Variants in SORCS1 observed in about 807,000 individuals in gnomAD.
SORCS1 encodes VPS10 domain-containing receptor SorCS1.
In SORCS1, 60 loss-of-function variants were observed where a neutral mutation model predicts 146.1. The ratio of observed to expected loss-of-function variants is 0.41; its 90% CI spans 0.33 to 0.51. The LOEUF is 0.51. Among genes scored for constraint, SORCS1 ranks in the 20% least tolerant of loss-of-function variants. The pLI is 0.21. For missense variants in SORCS1, 1,352 were observed against 1,487.6 expected, an observed-to-expected ratio of 0.91 and a Z score of 1.50; for synonymous variants, 637 against 584.0, an observed-to-expected ratio of 1.09 and a Z score of -1.31.
intron 2 of SORCS1, among the ~76,000 whole-genome samples, chr10:106,942,790 C>T (rs1954114459): frequency 6.6e-6 from 1 of 152,188 alleles, no homozygotes. Context: ...TTCTCTACCA[C>T]TCAATTCTCT....
At chr10:106,633,335 C>T (rs1040947946) in intron 18 of SORCS1, among the ~76,000 whole-genome samples, 10 of 151,914 alleles carry the variant, frequency 6.6e-5, no homozygotes, top group Non-Finnish European at 1.5e-5. Flanking sequence ...AATTCCTTTC[C>T]TCTAGCTATT....
At chr10:106,954,408 C>T (rs778551936) in intron 2 of SORCS1, among the ~76,000 whole-genome samples, 3 of 152,064 alleles carry the variant, frequency 2.0e-5, no homozygotes, top group Non-Finnish European at 2.9e-5. Context: ...TAGGTGCGGG[C>T]TCCTTAATGC....
rs199640810 is a variant in SORCS1, at chr10:106,609,635, T to TACC, written c.3033+2273_3033+2275dup. Among the ~76,000 whole-genome samples the TACC allele has an allele frequency of 7.9e-4, 121 of 152,288 alleles. 1 individual carries two copies. The East Asian group carries it at 0.02, about 26-fold the overall frequency. On this transcript the variant is annotated intron_variant, in intron 22 of 25. Transcript: ENST00000263054. ...AGCCTTGAAAACTAGAAGGTATTAA[T>TACC]ACCACCACCACCACTGCTATAACCC... is the stretch of plus-strand genomic sequence containing the variant.
chr10:106,955,594 A>T (rs1399841386), intron 2 of SORCS1, among the ~76,000 whole-genome samples: 1 of 152,244 alleles, frequency 6.6e-6, no homozygotes, highest in Non-Finnish European at 1.5e-5. Context: ...GAAGCAATAC[A>T]GTGTGAATCC....
chr10:107,171,514 C>CTTTTTT, the SORCS1 span, among the ~76,000 whole-genome samples: 12 of 117,266 alleles, frequency 1.0e-4, no homozygotes, highest in Non-Finnish European at 1.5e-4. Context: ...GGGAATCCCC[C>CTTTTTT]TTTTTTTTTT....
intron 1 of SORCS1, among the ~76,000 whole-genome samples, chr10:106,971,223 G>A (rs987157899): frequency 2.0e-5 from 3 of 152,134 alleles, no homozygotes; most frequent in South Asian, 2.1e-4. Flanking sequence ...TGACCTCTAA[G>A]TAAGAATGGC....
At chr10:106,830,726 T>C (rs1270063021) in intron 2 of SORCS1, among the ~76,000 whole-genome samples, 3 of 151,874 alleles carry the variant, frequency 2.0e-5, no homozygotes, top group Non-Finnish European at 2.9e-5. Context: ...CGACACTCCT[T>C]CTCTATCAAA....
At chr10:106,730,992 G>C (rs1168662456) in intron 5 of SORCS1, among the ~76,000 whole-genome samples, 1 of 152,036 alleles carries the variant, frequency 6.6e-6, no homozygotes, top group Non-Finnish European at 1.5e-5. Flanking sequence ...CTCAATCAAG[G>C]CTAGAAAATG....
At chr10:107,139,987 C>T (rs1967672909) in intron 1 of SORCS1, among the ~76,000 whole-genome samples, 1 of 152,164 alleles carries the variant, frequency 6.6e-6, no homozygotes, top group Non-Finnish European at 1.5e-5. Context: ...GGAGAAAACT[C>T]AAACCCAGGT....
In SORCS1 at chr10:107,079,455, C is replaced by T. The variant is rs74154848; in HGVS notation, c.558+84514G>A. On this transcript the variant is annotated intron_variant, in intron 1 of 25. Transcript: ENST00000263054. ...AATGGAGGGTTGGTATTAGTGCTTCCCCTGATCTCAGTACTGATTCCTGAA... is the reference window on the plus strand; with the variant it reads ...AATGGAGGGTTGGTATTAGTGCTTCTCCTGATCTCAGTACTGATTCCTGAA... 8.0e-3 allele frequency among the ~76,000 whole-genome samples: 1,211 copies of T among 152,168 alleles called. 23 individuals are homozygous for T. The highest frequency in any genetic ancestry group is 0.028 in the African/African-American group (1,158 of 41,506).
intron 1 of SORCS1, among the ~76,000 whole-genome samples, chr10:107,094,963 A>G (rs1565034718): frequency 6.6e-6 from 1 of 152,228 alleles, no homozygotes; most frequent in Non-Finnish European, 1.5e-5. Context: ...CTTCTGGAAC[A>G]TGGGAGAAGG....
Position 106,577,319 on chromosome 10 carries a change from G to GAA in SORCS1, c.*99_*100dup, listed in dbSNP as rs3839910. Reference sequence around the variant, plus strand: ...ATAGGAAACAGAACAACAAAGGAAAGAAAAAAAACACAAAGTTAGTGGTCA... The same window carrying GAA: ...ATAGGAAACAGAACAACAAAGGAAAGAAAAAAAAAACACAAAGTTAGTGGTCA... On this transcript the variant is annotated 3_prime_UTR_variant, in exon 26 of 26. Coordinates refer to ENST00000263054, the MANE Select transcript of SORCS1 (RefSeq NM_052918.5). 2.1e-5 allele frequency: 33 copies of GAA among 1,605,922 alleles called. No homozygotes were observed. The East Asian group carries it at 4.0e-4, about 20-fold the overall frequency.
chr10:106,701,420 A>G (rs1831192380), intron 8 of SORCS1, among the ~76,000 whole-genome samples: 1 of 152,364 alleles, frequency 6.6e-6, no homozygotes, highest in Admixed American at 6.5e-5. Context: ...GGTGGCCCAC[A>G]TAAGGTCAAT....
intron 17 of SORCS1, among the ~76,000 whole-genome samples, chr10:106,666,853 G>A (rs1389160420): frequency 6.6e-6 from 1 of 152,010 alleles, no homozygotes; most frequent in Non-Finnish European, 1.5e-5. Context: ...CTACAGGCGT[G>A]AGCCACTGCT....
chr10:106,721,588 T>C (rs947504287), intron 6 of SORCS1, among the ~76,000 whole-genome samples: 1 of 152,236 alleles, frequency 6.6e-6, no homozygotes, highest in African/African-American at 2.4e-5. Flanking sequence ...GAAAAGTCTT[T>C]GATAATGTCC....
At chr10:106,887,242 AAAATGAAAAT>A (rs1485158841) in intron 2 of SORCS1, among the ~76,000 whole-genome samples, 1 of 152,248 alleles carries the variant, frequency 6.6e-6, no homozygotes. Context: ...TTGATACATT[AAAATGAAAAT>A]GACATTTAAA....
chr10:107,037,728 G>C (rs1294793627), intron 1 of SORCS1, among the ~76,000 whole-genome samples: 5 of 152,350 alleles, frequency 3.3e-5, no homozygotes, highest in South Asian at 4.1e-4. Flanking sequence ...GCTTCAGCTA[G>C]AGAGGCTAAT....
At chr10:106,949,510 C>T (rs183887817) in intron 2 of SORCS1, among the ~76,000 whole-genome samples, 132 of 152,280 alleles carry the variant, frequency 8.7e-4, no homozygotes, top group African/African-American at 3.0e-3. Flanking sequence ...CCTACACAGC[C>T]TCTGACTCAA....
At chr10:106,633,987 A>G (rs1215927896) in intron 18 of SORCS1, among the ~76,000 whole-genome samples, 1 of 152,194 alleles carries the variant, frequency 6.6e-6, no homozygotes, top group African/African-American at 2.4e-5. Context: ...ACATCTGAAG[A>G]TGAACACTAT....
Sources: gnomAD v4.1 joint callset for allele counts (sites outside exome capture counted in the v4.1 genomes callset) on GRCh38, gnomAD v4.1.1 for gene constraint, MANE v1.5 for transcripts, NCBI Gene and HGNC (gene_info 2026-07-23, HGNC 2026-07-21) for gene names.